STARD13: variants seen among roughly 807,000 people sequenced by gnomAD.
STARD13 encodes the protein StAR related lipid transfer domain containing 13, also known as stAR-related lipid transfer protein 13.
In STARD13, 62 loss-of-function variants were observed where a neutral mutation model predicts 106.4. The observed-to-expected ratio is 0.58, with a 90% confidence interval of 0.48 to 0.72. STARD13 has a LOEUF of 0.72. Ranked by LOEUF, STARD13 falls within the 30% of genes least tolerant of loss-of-function variation. The probability of loss-of-function intolerance (pLI) is 0.00; values close to 1 mark genes in which losing one functional copy is unlikely to be tolerated. For missense variants in STARD13, 1,387 were observed against 1,424.0 expected, an observed-to-expected ratio of 0.97 and a Z score of 0.42; for synonymous variants, 565 against 553.0, an observed-to-expected ratio of 1.02 and a Z score of -0.31.
At chr13:33,530,469 T>C in the STARD13 span, among the ~76,000 whole-genome samples, 23 of 152,320 alleles carry the variant, frequency 1.5e-4, no homozygotes, top group Non-Finnish European at 2.6e-4. Context: ...TTCATACATT[T>C]TTTTATGTCT....
chr13:33,168,628 G>C (rs963204122), intron 1 of STARD13, among the ~76,000 whole-genome samples: 3 of 152,216 alleles, frequency 2.0e-5, no homozygotes, highest in Non-Finnish European at 4.4e-5. Flanking sequence ...ATGGGTCCCT[G>C]TCAGGTCATT....
chr13:33,247,500 A>T (rs1286722061), intron 1 of STARD13, among the ~76,000 whole-genome samples: 1 of 151,876 alleles, frequency 6.6e-6, no homozygotes, highest in South Asian at 2.1e-4. Context: ...TTTTGGAGCT[A>T]GTCTTTTCAT....
intron 1 of STARD13, among the ~76,000 whole-genome samples, chr13:33,177,863 AAGGAAGGAAGGAAAGG>A (rs1371147382): frequency 1.0e-3 from 14 of 13,386 alleles, no homozygotes; most frequent in Non-Finnish European, 1.5e-3. Context: ...GGAAGGAAGG[AAGGAAGGAAGGAAAGG>A]AAGGAAGGAA....
chr13:33,271,849 C>A (rs755722484), intron 1 of STARD13, among the ~76,000 whole-genome samples: 1 of 152,016 alleles, frequency 6.6e-6, no homozygotes, highest in African/African-American at 2.4e-5. Flanking sequence ...AAAAAAACTT[C>A]TTGGTTCCAA....
At chr13:33,163,627 ACATATATATAT>A (rs1390600775) in intron 3 of STARD13, among the ~76,000 whole-genome samples, 111 of 136,446 alleles carry the variant, frequency 8.1e-4, no homozygotes, top group African/African-American at 3.1e-3. Flanking sequence ...TATATATAAA[ACATATATATAT>A]AACATATATA....
intron 1 of STARD13, among the ~76,000 whole-genome samples, chr13:33,243,650 G>A (rs563822506): frequency 1.3e-5 from 2 of 152,306 alleles, no homozygotes; most frequent in South Asian, 4.1e-4. Flanking sequence ...AGGGATAATG[G>A]TGTCCCGGAC....
chr13:33,137,261 G>A (rs1174644541), intron 4 of STARD13, among the ~76,000 whole-genome samples: 1 of 152,234 alleles, frequency 6.6e-6, no homozygotes, highest in Non-Finnish European at 1.5e-5. Flanking sequence ...AACTGTTCTA[G>A]ATTGAGCAAA....
the STARD13 span, among the ~76,000 whole-genome samples, chr13:33,421,352 T>A: frequency 1.6e-4 from 24 of 152,202 alleles, no homozygotes; most frequent in East Asian, 3.9e-3. Context: ...CTAGAAGAAA[T>A]GGATAAATTC....
the STARD13 span, among the ~76,000 whole-genome samples, chr13:33,520,615 G>A: frequency 1.0e-3 from 156 of 152,022 alleles, 14 homozygotes; most frequent in Non-Finnish European, 2.1e-4. Flanking sequence ...CCTCAGCCTG[G>A]TGGTCAAAGT....
the STARD13 span, among the ~76,000 whole-genome samples, chr13:33,616,637 C>T: frequency 6.6e-6 from 1 of 152,184 alleles, no homozygotes; most frequent in Non-Finnish European, 1.5e-5. Flanking sequence ...TGTTCATTCT[C>T]TTTACGTATT....
chr13:33,209,454 TCTCTC>T (rs1189664880), intron 1 of STARD13, among the ~76,000 whole-genome samples: 7 of 130,724 alleles, frequency 5.4e-5, no homozygotes, highest in African/African-American at 2.0e-4. Context: ...TCTCTCTCTC[TCTCTC>T]TTTTTTTTTT....
At chr13:33,258,005 A>T (rs1488169415) in intron 1 of STARD13, among the ~76,000 whole-genome samples, 1 of 152,242 alleles carries the variant, frequency 6.6e-6, no homozygotes, top group Non-Finnish European at 1.5e-5. Flanking sequence ...ATTAAAACTC[A>T]CTATAATCTT....
the STARD13 span, among the ~76,000 whole-genome samples, chr13:33,672,032 A>C: frequency 6.6e-6 from 1 of 152,190 alleles, no homozygotes; most frequent in Non-Finnish European, 1.5e-5. Flanking sequence ...TACCCAAAGG[A>C]TTATAAATCA....
At chr13:33,449,829 G>A in the STARD13 span, among the ~76,000 whole-genome samples, 1 of 151,838 alleles carries the variant, frequency 6.6e-6, no homozygotes, top group Non-Finnish European at 1.5e-5. Flanking sequence ...TTATTCCTAG[G>A]TAATTTTTTG....
the STARD13 span, among the ~76,000 whole-genome samples, chr13:33,471,883 A>G: frequency 6.6e-6 from 1 of 152,134 alleles, no homozygotes; most frequent in African/African-American, 2.4e-5. Flanking sequence ...ATTAGGAGAA[A>G]TATGTAGGAA....
chr13:33,128,538 G>A (rs1034499750), intron 5 of STARD13, among the ~76,000 whole-genome samples: 12 of 152,186 alleles, frequency 7.9e-5, no homozygotes, highest in Admixed American at 1.3e-4. Flanking sequence ...CAAAAAAAGT[G>A]TAAAATTTGG....
At chr13:33,314,134 G>A (rs189934386) in intron 1 of STARD13, among the ~76,000 whole-genome samples, 190 of 152,198 alleles carry the variant, frequency 1.2e-3, no homozygotes, top group Non-Finnish European at 5.9e-4. Flanking sequence ...GAGGAATACC[G>A]GTAAGGGCTG....
chr13:33,150,837 G>A (rs1593975812), intron 3 of STARD13, among the ~76,000 whole-genome samples: 1 of 152,212 alleles, frequency 6.6e-6, no homozygotes, highest in African/African-American at 2.4e-5. Context: ...CATTTTAAGA[G>A]TGAAACTTGA....
the STARD13 span, among the ~76,000 whole-genome samples, chr13:33,430,529 C>T: frequency 3.3e-5 from 5 of 152,086 alleles, no homozygotes; most frequent in African/African-American, 4.8e-5. Context: ...TCCTCAAAAA[C>T]CTAAAAATAG....
Sources: gnomAD v4.1 joint callset for allele counts (sites outside exome capture counted in the v4.1 genomes callset) on GRCh38, gnomAD v4.1.1 for gene constraint, MANE v1.5 for transcripts, NCBI Gene and HGNC (gene_info 2026-07-23, HGNC 2026-07-21) for gene names.